Variants in NOS1 observed in about 807,000 individuals in gnomAD.
NOS1 encodes NOS type I.
Under a neutral mutation model 164.5 loss-of-function variants are expected in NOS1, and 51 were observed. The ratio of observed to expected loss-of-function variants is 0.31; its 90% CI spans 0.25 to 0.39. The LOEUF is 0.39. Among genes scored for constraint, NOS1 ranks in the 10% least tolerant of loss-of-function variants. The pLI, the probability that NOS1 is intolerant of heterozygous loss-of-function variation, is 1.00. For synonymous variants in NOS1, 719 were observed against 745.8 expected (o/e 0.96, Z 0.59); for missense variants, 1,362 against 1,885.6 (o/e 0.72, Z 5.14).
chr12:117,277,181 T>C (rs1873255264), intron 9 of NOS1, among the ~76,000 whole-genome samples: 1 of 152,100 alleles, frequency 6.6e-6, no homozygotes, highest in African/African-American at 2.4e-5. Context: ...CCATTGTAAC[T>C]GAGGTGAGAT....
At chr12:117,238,668 C>A (rs1869920705) in intron 20 of NOS1, among the ~76,000 whole-genome samples, 1 of 151,966 alleles carries the variant, frequency 6.6e-6, no homozygotes. Flanking sequence ...AGGCACCTAC[C>A]ACCACACTCA....
At chr12:117,288,554 A>G (rs961522665) in intron 4 of NOS1, among the ~76,000 whole-genome samples, 5 of 152,118 alleles carry the variant, frequency 3.3e-5, no homozygotes, top group Non-Finnish European at 5.9e-5. Flanking sequence ...GGCTACAGTA[A>G]CTCATTTGAA....
At position 117,330,568 on chromosome 12, in the gene NOS1, C is replaced by T; in HGVS notation, c.502G>A (p.Glu168Lys). The T allele has an allele frequency of 6.2e-7, 1 of 1,613,462 alleles. No individual in the cohort carries two copies. The highest frequency in any genetic ancestry group is 8.5e-7 in the Non-Finnish European group (1 of 1,179,904). Reference protein sequence around the residue: ...GPQHAYDDGQEAGSLPHANGL... With the variant: ...GPQHAYDDGQKAGSLPHANGL... ...TTGGCATGGGGGAGTGAGCCAGCCT[C>T]CTGCCCATCATCGTAGGCATGCTGA... The change falls in exon 2 of 29, where the codon GAG becomes AAG. Residue 168 changes from glutamate to lysine, a missense_variant. Transcript: ENST00000317775. This position sits in a 1 kb window ranked among gnomAD's most constrained non-coding sequence, Gnocchi z 4.6.
chr12:117,227,351 A>C, intron 23 of NOS1, 80 bp downstream of exon 23: 2 of 1,321,800 alleles, frequency 1.5e-6, no homozygotes, highest in Non-Finnish European at 2.1e-6. Flanking sequence ...TTTAGCCTGC[A>C]GACGGTGGTT....
chr12:117,331,135 C>T lies in NOS1; in HGVS notation c.-66G>A, dbSNP rs1374001212. 2.0e-6 allele frequency: 3 copies of T among 1,538,390 alleles called. No homozygotes were observed. The highest frequency in any genetic ancestry group is 2.6e-6 in the Non-Finnish European group (3 of 1,137,736). Reference sequence around the variant, plus strand: ...ATGCTATCAGGCCAAGATGATTTCACCAGGAGGATCCAGGCTTCAGGCTAC... The same window carrying T: ...ATGCTATCAGGCCAAGATGATTTCATCAGGAGGATCCAGGCTTCAGGCTAC... On this transcript the variant is annotated 5_prime_UTR_variant, in exon 2 of 29. In the 5' UTR this introduces an upstream ATG that the reference lacks. Transcript: ENST00000317775.
At position 117,260,543 on chromosome 12, in the gene NOS1, G is replaced by C. The variant is rs1396389794; in HGVS notation, c.2289C>G (p.Leu763=). 3 of 1,614,190 alleles carry C rather than the reference G, an allele frequency of 1.9e-6. No homozygotes were observed. Among genetic ancestry groups the C allele is most frequent in the Middle Eastern group, 1.6e-4 (1 of 6,062 alleles). Residue 763 remains leucine, a synonymous_variant, in exon 14 of 29, where the codon CTC becomes CTG. Coordinates refer to ENST00000317775, the MANE Select transcript of NOS1 (RefSeq NM_000620.5). Reference sequence around the variant, plus strand: ...GCGATTTGCCTGTCTCTGTGGCATAGAGGATGGTCGCTTTCACCCTCTTGG... The same window carrying C: ...GCGATTTGCCTGTCTCTGTGGCATACAGGATGGTCGCTTTCACCCTCTTGG... The part of the protein sequence containing the change: ...AMAKRVKATI[L]YATETGKSQA...
intron 1 of NOS1, among the ~76,000 whole-genome samples, chr12:117,339,755 T>C (rs769623673): frequency 1.2e-4 from 18 of 152,194 alleles, no homozygotes; most frequent in Admixed American, 5.2e-4. Flanking sequence ...CTCTTAAAGA[T>C]ACAGTGTTAA....
chr12:117,357,217 G>A (rs1325967208), intron 1 of NOS1, among the ~76,000 whole-genome samples: 2 of 152,144 alleles, frequency 1.3e-5, no homozygotes, highest in African/African-American at 4.8e-5. Context: ...CAGCTACTCG[G>A]GAGGCTGAGG....
Position 117,232,062 on chromosome 12 carries a change from T to C in NOS1, c.3305A>G (p.Tyr1102Cys). The change falls in exon 22 of 29, where the codon TAC becomes TGC. Residue 1102 changes from tyrosine to cysteine, a missense_variant. Physicochemically the swap from Tyr to Cys is radical, Grantham distance 194 (BLOSUM62 -2). Around this residue, in one of 4 missense-constraint regions of NOS1, gnomAD observed 737 missense variants for 1,030.3 expected, o/e 0.72. Transcript: ENST00000317775. ...PCTIFQAFKY[Y>C]LDITTPPTPL... ...CGTTGGTGGCGTGGTGATGTCCAGG[T>C]AGTACTTGAAGGCCTGGAAGATGGT... 6.2e-7 allele frequency: 1 copy of C among 1,612,286 alleles called. No individual in the cohort carries two copies.
At chr12:117,310,795 G>A (rs776886624) in intron 3 of NOS1, among the ~76,000 whole-genome samples, 34 of 151,934 alleles carry the variant, frequency 2.2e-4, no homozygotes, top group Non-Finnish European at 5.9e-5. Context: ...ACAGGTATAT[G>A]CCATTATGCT....
intron 20 of NOS1, among the ~76,000 whole-genome samples, chr12:117,236,582 A>C (rs1047585618): frequency 2.6e-5 from 4 of 152,152 alleles, no homozygotes; most frequent in Non-Finnish European, 5.9e-5. Flanking sequence ...CAGAGCTCAC[A>C]CCAGTCTTTG....
intron 2 of NOS1, among the ~76,000 whole-genome samples, chr12:117,325,948 A>G (rs1266730092): frequency 4.6e-5 from 7 of 152,246 alleles, no homozygotes; most frequent in Non-Finnish European, 8.8e-5. Context: ...AGTTAATGGC[A>G]TTATATTAGA....
intron 1 of NOS1, among the ~76,000 whole-genome samples, chr12:117,335,318 T>C (rs892604748): frequency 1.8e-4 from 28 of 152,168 alleles, no homozygotes; most frequent in East Asian, 9.7e-4. Flanking sequence ...GGCTGCTGGA[T>C]AGAATTGCCT....
intron 17 of NOS1, among the ~76,000 whole-genome samples, chr12:117,251,293 T>C (rs1248985284): frequency 6.6e-6 from 1 of 152,174 alleles, no homozygotes; most frequent in East Asian, 1.9e-4. Flanking sequence ...TTTATGGTAT[T>C]TGGTATAGTA....
chr12:117,306,194 G>T (rs1015953652), intron 3 of NOS1, among the ~76,000 whole-genome samples: 1 of 152,094 alleles, frequency 6.6e-6, no homozygotes, highest in Non-Finnish European at 1.5e-5. Flanking sequence ...TATCAGTCAT[G>T]CTCCCAGGAA....
intron 1 of NOS1, among the ~76,000 whole-genome samples, chr12:117,354,071 G>A (rs1876753252): frequency 6.6e-6 from 1 of 152,192 alleles, no homozygotes; most frequent in African/African-American, 2.4e-5. Context: ...TGCTGTTTCT[G>A]AAATTCAACT....
In NOS1 at chr12:117,209,423, C is replaced by G. The variant is rs763211289; in HGVS notation, c.*5886G>C. 1 of 985,438 alleles carries G rather than the reference C, an allele frequency of 1.0e-6. No homozygotes were observed. Among genetic ancestry groups the G allele is most frequent in the Non-Finnish European group, 1.2e-6 (1 of 829,946 alleles). The allele number at this position is 985,438 out of a possible 1,614,324, so 61.0% of individuals were successfully genotyped here. A position where few individuals can be genotyped will look rare whatever the true frequency, so the allele number is the denominator to read the frequency against. ...GTTGACAGACCCTGCGCTACAGTCT[C>G]CTAGAACTTAGGAGTCAAATCTGGG... On this transcript the variant is annotated 3_prime_UTR_variant, in exon 29 of 29. Transcript: ENST00000317775.
chr12:117,353,003 G>A (rs939562134), intron 1 of NOS1, among the ~76,000 whole-genome samples: 1 of 151,930 alleles, frequency 6.6e-6, no homozygotes, highest in Non-Finnish European at 1.5e-5. Flanking sequence ...TTCTCTATCA[G>A]TCATCTATCT....
chr12:117,353,506 G>A (rs1269996841), intron 1 of NOS1, among the ~76,000 whole-genome samples: 2 of 152,182 alleles, frequency 1.3e-5, no homozygotes, highest in Admixed American at 1.3e-4. Context: ...ACTATATACT[G>A]TACTTGCACA....
Sources: gnomAD v4.1 joint callset for allele counts (sites outside exome capture counted in the v4.1 genomes callset) on GRCh38, gnomAD v4.1.1 for gene constraint, gnomAD v4.1.1 regional missense constraint, Gnocchi (gnomAD v3.1) non-coding constraint, MANE v1.5 for transcripts, NCBI Gene and HGNC (gene_info 2026-07-23, HGNC 2026-07-21) for gene names.